Variants in CHD1 observed in about 807,000 individuals in gnomAD.
CHD1 encodes the protein chromodomain helicase DNA binding protein 1.
CHD1 carries 36 observed loss-of-function variants against 224.2 expected under a neutral mutation model. The ratio of observed to expected loss-of-function variants is 0.16; its 90% CI spans 0.12 to 0.21. The LOEUF is 0.21. Among genes scored for constraint, CHD1 ranks in the 10% least tolerant of loss-of-function variants. The pLI, the probability that CHD1 is intolerant of heterozygous loss-of-function variation, is 1.00. For missense variants in CHD1, 1,378 were observed against 1,994.8 expected, an observed-to-expected ratio of 0.69 and a Z score of 5.89; for synonymous variants, 668 against 658.3, an observed-to-expected ratio of 1.01 and a Z score of -0.23.
chr5:98,893,692 A>C (rs893638306), intron 13 of CHD1, 86 bp from the exon 14 acceptor site: 3 of 835,862 alleles, frequency 3.6e-6, no homozygotes, highest in Non-Finnish European at 5.6e-6. Flanking sequence ...AATTATTAAA[A>C]TGAAATAAAA....
At chr5:98,923,163 T>C (rs1300047092) in intron 2 of CHD1, among the ~76,000 whole-genome samples, 4 of 152,138 alleles carry the variant, frequency 2.6e-5, no homozygotes, top group Admixed American at 6.6e-5. Flanking sequence ...GGAGTGGGAA[T>C]TGAGTGTTAA....
chr5:98,883,222 G>A lies in CHD1; in HGVS notation c.2584C>T (p.Leu862=). ...AEGSEDFCFL[L]STRAGGLGIN... ...CCTAGACCTCCAGCTCTTGTGGACA[G>A]CAAAAAGCAAAAATCCTGTAAGAAA... Residue 862 remains leucine (L), a synonymous_variant, in exon 19 of 36, where the codon CTG becomes TTG. Transcript: ENST00000614616. 1.3e-6 allele frequency: 2 copies of A among 1,570,500 alleles called. No homozygotes were observed. The highest frequency in any genetic ancestry group is 2.4e-5 in the South Asian group (2 of 84,004).
intron 25 of CHD1, among the ~76,000 whole-genome samples, 180 bp from the exon 26 acceptor site, chr5:98,873,903 A>G (rs562216614): frequency 6.6e-6 from 1 of 152,346 alleles, no homozygotes; most frequent in Admixed American, 6.5e-5. Flanking sequence ...CAAACAATTC[A>G]TTTATATATT....
intron 2 of CHD1, among the ~76,000 whole-genome samples, chr5:98,917,304 A>AAAAAAAAAAAAAAAAAAAAAAAAAAAAT (rs1488107797): frequency 6.6e-6 from 1 of 150,942 alleles, no homozygotes; most frequent in Non-Finnish European, 1.5e-5. Context: ...AGAAACAAAA[A>AAAAAAAAAAAAAAAAAAAAAAAAAAAAT]AAAAAAACAA....
intron 3 of CHD1, 74 bp from the exon 4 acceptor site, chr5:98,903,982 A>C: frequency 1.2e-6 from 1 of 856,298 alleles, no homozygotes; most frequent in South Asian, 1.5e-5. Context: ...TTATTGAAAA[A>C]CTATACCACC....
chr5:98,876,570 A>C lies in CHD1; in HGVS notation c.3238-12T>G, dbSNP rs1294886737. On this transcript the variant is annotated splice_polypyrimidine_tract_variant and intron_variant, in intron 23 of 35. Transcript: ENST00000614616. ...CCATTGAAACTAATCTGGAATTGGA[A>C]AATATTTACCCAACCTTAGTGTAAA... The C allele has an allele frequency of 6.2e-7, 1 of 1,611,632 alleles. No homozygotes were observed. Among genetic ancestry groups the C allele is most frequent in the Non-Finnish European group, 8.5e-7 (1 of 1,178,206 alleles).
At position 98,858,572 on chromosome 5, in the gene CHD1, T is replaced by C. The variant is rs1580341529; in HGVS notation, c.4577-182A>G. On this transcript the variant is annotated intron_variant, in intron 34 of 35. Transcript: ENST00000614616. The stretch of plus-strand genomic sequence containing the variant: ...AGTACTAAGGATTAATTAAAAAAGG[T>C]TGCTTGATTCTGAAATGTCACAAAA... The C allele has an allele frequency of 1.7e-5, 9 of 542,976 alleles. No homozygotes were observed. In the East Asian group the frequency reaches 1.7e-4, roughly 10 times the overall value. The allele number at this position is 542,976 out of a possible 1,614,324, so 33.6% of individuals were successfully genotyped here.
chr5:98,916,232 T>C (rs369504956), intron 2 of CHD1, among the ~76,000 whole-genome samples: 2 of 151,978 alleles, frequency 1.3e-5, no homozygotes, highest in African/African-American at 4.8e-5. Context: ...AAAGAGATTA[T>C]TGATATTTAG....
intron 32 of CHD1, among the ~76,000 whole-genome samples, chr5:98,861,335 A>G (rs1177526535): frequency 1.3e-5 from 2 of 152,232 alleles, no homozygotes; most frequent in African/African-American, 2.4e-5. Flanking sequence ...ACAAATATAC[A>G]TTCTATTTTG....
In CHD1 at chr5:98,872,312, CT is replaced by C. The variant is rs1018912981; in HGVS notation, c.3710+104del. 2,523 of 1,282,230 alleles carry C rather than the reference CT, an allele frequency of 2.0e-3. 1 individual carries two copies. The highest frequency in any genetic ancestry group is 3.8e-3 in the South Asian group (256 of 66,640). The allele number at this position is 1,282,230 out of a possible 1,614,324, so 79.4% of individuals were successfully genotyped here. ...TCAAAATAATATGCTTTATTTCTTC[CT>C]TTTTTTTTTCAAAACTAGCCAATAA... On this transcript the variant is annotated intron_variant, in intron 27 of 35. Coordinates refer to ENST00000614616, the MANE Select transcript of CHD1 (RefSeq NM_001270.4).
chr5:98,875,053 GAAT>G lies in CHD1; in HGVS notation c.3440+16_3440+18del. 8.0e-7 allele frequency: 1 copy of G among 1,252,510 alleles called. No individual in the cohort carries two copies. Among genetic ancestry groups the G allele is most frequent in the Non-Finnish European group, 1.2e-6 (1 of 863,164 alleles). 77.6% of individuals were successfully genotyped at this position (1,252,510 alleles called of 1,614,324 possible). On this transcript the variant is annotated intron_variant, in intron 25 of 35. Transcript: ENST00000614616. ...TGTAACACATTCCATTATTCTATGA[GAAT>G]AATAAACGTATTTACCTTTCCAGAG...
chr5:98,867,224 G>C (rs191120759), intron 31 of CHD1, among the ~76,000 whole-genome samples: 152 of 152,104 alleles, frequency 1.0e-3, no homozygotes, highest in Admixed American at 1.7e-3. Flanking sequence ...AAGGTCTTTA[G>C]AATAAAGGCA....
chr5:98,900,530 C>T (rs919020235), intron 7 of CHD1, among the ~76,000 whole-genome samples: 1 of 150,990 alleles, frequency 6.6e-6, no homozygotes, highest in South Asian at 2.1e-4. Flanking sequence ...ACCTCAGCCT[C>T]GTGGGTTCAA....
chr5:98,859,962 TC>T lies in CHD1; in HGVS notation c.4524+9del. The T allele has an allele frequency of 7.2e-7, 1 of 1,386,076 alleles. No homozygotes were observed. Among genetic ancestry groups the T allele is most frequent in the Non-Finnish European group, 9.9e-7 (1 of 1,013,530 alleles). 85.9% of individuals were successfully genotyped at this position (1,386,076 alleles called of 1,614,324 possible). On this transcript the variant is annotated intron_variant, in intron 33 of 35. Transcript: ENST00000614616. ...ATAAATTCAGGGAAAAAATATGATG[TC>T]AAGTTTACCTGAGACTCCTGCCGTT...
intron 28 of CHD1, among the ~76,000 whole-genome samples, chr5:98,871,072 C>T (rs1333413115): frequency 6.6e-6 from 1 of 151,782 alleles, no homozygotes; most frequent in African/African-American, 2.4e-5. Context: ...TGTAAATTTC[C>T]TTCAAATATA....
chr5:98,919,063 A>C (rs1390225508), intron 2 of CHD1, among the ~76,000 whole-genome samples: 3 of 152,226 alleles, frequency 2.0e-5, no homozygotes, highest in Non-Finnish European at 4.4e-5. Flanking sequence ...ATAACTTTAC[A>C]ACATGGCAAG....
At chr5:98,893,344 C>T in intron 14 of CHD1, 72 bp downstream of exon 14, 1 of 1,028,360 alleles carries the variant, frequency 9.7e-7, no homozygotes. Context: ...TCTTACTGAC[C>T]TTATTACCTG....
intron 14 of CHD1, 49 bp from the exon 15 acceptor site, chr5:98,892,762 G>A (rs774559138): frequency 7.8e-7 from 1 of 1,276,748 alleles, no homozygotes; most frequent in East Asian, 2.5e-5. Context: ...ATCAAATTGT[G>A]TATGTTGTGT....
At chr5:98,906,405 G>A (rs550860487) in intron 2 of CHD1, among the ~76,000 whole-genome samples, 9 of 152,210 alleles carry the variant, frequency 5.9e-5, no homozygotes, top group Non-Finnish European at 8.8e-5. Flanking sequence ...CATACCTTGC[G>A]AGAAATTTTA....
Sources: allele counts gnomAD v4.1 joint callset (sites outside exome capture counted in the v4.1 genomes callset), GRCh38; gene constraint gnomAD v4.1.1; transcripts MANE v1.5; gene names NCBI Gene and HGNC (gene_info 2026-07-23, HGNC 2026-07-21).